NRF1: variants seen among roughly 807,000 people sequenced by gnomAD.
NRF1 encodes alpha palindromic-binding protein.
Under a neutral mutation model 58.5 loss-of-function variants are expected in NRF1, and 5 were observed. The observed-to-expected ratio is 0.09, with a 90% confidence interval of 0.04 to 0.18. NRF1 has a LOEUF of 0.18. Ranked by LOEUF, NRF1 falls within the 10% of genes least tolerant of loss-of-function variation. The probability of loss-of-function intolerance (pLI) is 1.00; values close to 1 mark genes in which losing one functional copy is unlikely to be tolerated. For missense variants in NRF1, 288 were observed against 657.7 expected, an observed-to-expected ratio of 0.44 and a Z score of 6.15; for synonymous variants, 224 against 246.7, an observed-to-expected ratio of 0.91 and a Z score of 0.86.
rs139590218 is a variant in NRF1 at position 129,616,779 on chromosome 7, A to G, written c.-7+4955A>G. The stretch of plus-strand genomic sequence containing the variant: ...ACAACATAGTTTGTGTAAAACTCCA[A>G]CTGCTACTGAACCATCAGATAATTT... On this transcript the variant is annotated intron_variant, in intron 1 of 10. Transcript: ENST00000393232. Among the ~76,000 whole-genome samples the G allele has an allele frequency of 6.7e-3, 1,024 of 152,266 alleles. 11 individuals are homozygous for G. Among genetic ancestry groups the G allele is most frequent in the African/African-American group, 0.023 (967 of 41,544 alleles).
chr7:129,706,869 G>A (rs1457663906), intron 5 of NRF1, among the ~76,000 whole-genome samples: 1 of 152,170 alleles, frequency 6.6e-6, no homozygotes, highest in Non-Finnish European at 1.5e-5. Flanking sequence ...GTGGATCTGA[G>A]CAGACTCTGT....
At chr7:129,667,600 T>C (rs1326020253) in intron 2 of NRF1, among the ~76,000 whole-genome samples, 1 of 151,946 alleles carries the variant, frequency 6.6e-6, no homozygotes. Flanking sequence ...TTTATATTAT[T>C]GTGAAATTTA....
In NRF1 at chr7:129,663,080, A is replaced by G. The variant is rs117824853; in HGVS notation, c.223+5506A>G. Among the ~76,000 whole-genome samples the G allele has an allele frequency of 2.9e-4, 44 of 152,364 alleles. No individual in the cohort carries two copies. The East Asian group carries it at 8.3e-3, about 29-fold the overall frequency. On this transcript the variant is annotated intron_variant, in intron 2 of 10. Transcript: ENST00000393232. ...GAGAGCATGGGGTTGGGGGTAAGTT[A>G]AAGATTAACAGCATCCCAAGGCAGA...
chr7:129,744,130 CTTTTTTTTTT>C, intron 10 of NRF1: 1 of 1,211,572 alleles, frequency 8.3e-7, no homozygotes, highest in South Asian at 1.6e-5. Context: ...TTGCCCGGTG[CTTTTTTTTTT>C]TTTTTTTTTT....
chr7:129,709,258 C>T (rs753407259), intron 6 of NRF1, 25 bp downstream of exon 6: 2 of 1,416,914 alleles, frequency 1.4e-6, no homozygotes, highest in Non-Finnish European at 1.9e-6. Context: ...GACTGAGTTG[C>T]CTGGTTGCTT....
chr7:129,634,041 AAGATAT>A (rs1562954894), intron 1 of NRF1, among the ~76,000 whole-genome samples: 2 of 113,810 alleles, frequency 1.8e-5, no homozygotes, highest in Admixed American at 9.2e-5. Flanking sequence ...AAAAAAAAAA[AAGATAT>A]ATATATATAT....
intron 3 of NRF1, 145 bp downstream of exon 3, chr7:129,671,688 A>G: frequency 1.7e-6 from 1 of 582,186 alleles, no homozygotes; most frequent in South Asian, 2.3e-5. Context: ...TTCTTACAAA[A>G]TTAAATGCAT....
chr7:129,655,575 G>A (rs773500446), intron 1 of NRF1, among the ~76,000 whole-genome samples: 2 of 151,628 alleles, frequency 1.3e-5, no homozygotes, highest in Non-Finnish European at 2.9e-5. Flanking sequence ...AGGCTGGAGC[G>A]TAGTGGCATG....
chr7:129,707,673 C>T (rs916127264), intron 5 of NRF1, among the ~76,000 whole-genome samples: 2 of 152,284 alleles, frequency 1.3e-5, no homozygotes, highest in Admixed American at 1.3e-4. Flanking sequence ...TTCTATCAGC[C>T]TGCTGCTTGA....
At chr7:129,695,984 A>G (rs1207162811) in intron 5 of NRF1, among the ~76,000 whole-genome samples, 1 of 142,030 alleles carries the variant, frequency 7.0e-6, no homozygotes, top group Non-Finnish European at 1.5e-5. Context: ...GCACTTTGGG[A>G]GGCCGAGGCA....
At chr7:129,618,546 T>A (rs1487835943) in intron 1 of NRF1, among the ~76,000 whole-genome samples, 1 of 151,986 alleles carries the variant, frequency 6.6e-6, no homozygotes, top group African/African-American at 2.4e-5. Context: ...ATTTAAAAAA[T>A]TTGTCAGGTA....
intron 5 of NRF1, among the ~76,000 whole-genome samples, chr7:129,698,341 G>C (rs4440554): frequency 0.4 from 44,618 of 111,100 alleles, 8,438 homozygotes; most frequent in Middle Eastern, 0.53. Flanking sequence ...GCAGGGGGGT[G>C]GGGGGTGGGT....
intron 1 of NRF1, among the ~76,000 whole-genome samples, chr7:129,650,163 TTC>T (rs1801503055): frequency 6.6e-6 from 1 of 151,702 alleles, no homozygotes; most frequent in Non-Finnish European, 1.5e-5. Context: ...GGAATTTTTT[TTC>T]TTTTTCCTTT....
chr7:129,683,320 T>TGTGTGTGA (rs1334499896), intron 4 of NRF1, among the ~76,000 whole-genome samples: 94 of 136,472 alleles, frequency 6.9e-4, no homozygotes, highest in African/African-American at 1.4e-3. Context: ...TGTGTGTGTG[T>TGTGTGTGA]GAGAGAGAGA....
At chr7:129,745,582 C>T (rs1198999412) in intron 10 of NRF1, among the ~76,000 whole-genome samples, 1 of 147,836 alleles carries the variant, frequency 6.8e-6, no homozygotes, top group Admixed American at 6.9e-5. Context: ...GACCGCTGCT[C>T]CAGAGCACGT....
chr7:129,754,307 AATTAT>A (rs1349572785), intron 10 of NRF1, among the ~76,000 whole-genome samples: 7 of 151,314 alleles, frequency 4.6e-5, no homozygotes, highest in Non-Finnish European at 1.0e-4. Context: ...AAAAAAAAAA[AATTAT>A]ATTAGCCAGG....
At chr7:129,673,632 G>T (rs1365543855) in intron 3 of NRF1, among the ~76,000 whole-genome samples, 3 of 150,460 alleles carry the variant, frequency 2.0e-5, no homozygotes, top group Non-Finnish European at 3.0e-5. Flanking sequence ...CAGGAGAATG[G>T]CGTGAACCCG....
At chr7:129,713,799 C>A (rs1157791097) in intron 8 of NRF1, among the ~76,000 whole-genome samples, 3 of 152,210 alleles carry the variant, frequency 2.0e-5, no homozygotes, top group Admixed American at 1.3e-4. Context: ...TCAGGAAACA[C>A]TTCCCAGAGG....
rs35034726 is a variant in NRF1 at position 129,744,130 on chromosome 7, CTTTTTTT to C, written c.1349-10874_1349-10868del. The C allele has an allele frequency of 2.7e-5, 33 of 1,211,768 alleles. No individual in the cohort carries two copies. In the African/African-American group the frequency reaches 4.2e-4, roughly 16 times the overall value. 75.1% of individuals were successfully genotyped at this position (1,211,768 alleles called of 1,614,324 possible). ...GGCTGGTGGCCCATCTTGCCCGGTG[CTTTTTTT>C]TTTTTTTTTTTTTAACAGTTCTGTG... On this transcript the variant is annotated intron_variant, in intron 10 of 10. Transcript: ENST00000393232.
Sources: allele counts gnomAD v4.1 joint callset (sites outside exome capture counted in the v4.1 genomes callset), GRCh38; gene constraint gnomAD v4.1.1; transcripts MANE v1.5; gene names NCBI Gene and HGNC (gene_info 2026-07-23, HGNC 2026-07-21).